The following PPFIA2 variants were observed in gnomAD, a reference collection of about 807,000 sequenced individuals.
The protein encoded by PPFIA2 is PPFI scaffold protein A2.
A neutral mutation model predicts 175.5 loss-of-function variants in PPFIA2; 46 were observed. That is an observed-to-expected ratio of 0.26 (90% CI 0.21 to 0.34). The LOEUF is 0.34. Ranked by LOEUF, PPFIA2 falls within the 10% of genes least tolerant of loss-of-function variation. The pLI, the probability that PPFIA2 is intolerant of heterozygous loss-of-function variation, is 1.00. For missense variants in PPFIA2, 1,179 were observed against 1,506.1 expected, an observed-to-expected ratio of 0.78 and a Z score of 3.60; for synonymous variants, 568 against 511.4, an observed-to-expected ratio of 1.11 and a Z score of -1.49.
At chr12:81,369,431 G>T in intron 11 of PPFIA2, 1 of 1,341,238 alleles carries the variant, frequency 7.5e-7, no homozygotes, top group East Asian at 3.4e-5. Context: ...AATGAAATCA[G>T]CCAAATGTAA....
intron 4 of PPFIA2, among the ~76,000 whole-genome samples, chr12:81,580,424 A>G (rs2074233213): frequency 6.6e-6 from 1 of 151,862 alleles, no homozygotes; most frequent in African/African-American, 2.4e-5. Flanking sequence ...TTGCTATTAA[A>G]AGAAAATTGA....
chr12:81,659,579 A>G (rs768534756), intron 4 of PPFIA2, among the ~76,000 whole-genome samples: 11 of 152,188 alleles, frequency 7.2e-5, no homozygotes, highest in Non-Finnish European at 1.6e-4. Flanking sequence ...GGTGGAGCCC[A>G]CTGCAGCTCA....
chr12:81,556,609 G>A (rs946245780), intron 4 of PPFIA2, among the ~76,000 whole-genome samples: 5 of 151,734 alleles, frequency 3.3e-5, no homozygotes, highest in Non-Finnish European at 7.4e-5. Flanking sequence ...GGGAAAATTT[G>A]TGCAAGTTTT....
At chr12:81,590,312 T>C (rs777533670) in intron 4 of PPFIA2, among the ~76,000 whole-genome samples, 1 of 152,154 alleles carries the variant, frequency 6.6e-6, no homozygotes, top group Non-Finnish European at 1.5e-5. Flanking sequence ...CTCCAAATAA[T>C]AGAAAAATAA....
chr12:81,743,209 G>A (rs952776635), intron 3 of PPFIA2, among the ~76,000 whole-genome samples: 1 of 151,758 alleles, frequency 6.6e-6, no homozygotes, highest in Non-Finnish European at 1.5e-5. Flanking sequence ...ACGAGGTCAG[G>A]AGATGGAGAT....
At chr12:81,438,921 C>T (rs2049604707) in intron 7 of PPFIA2, among the ~76,000 whole-genome samples, 1 of 152,002 alleles carries the variant, frequency 6.6e-6, no homozygotes, top group African/African-American at 2.4e-5. Context: ...CTATTTCTTC[C>T]ATCTAACTGA....
At chr12:81,548,322 C>A (rs2067308814) in intron 4 of PPFIA2, among the ~76,000 whole-genome samples, 1 of 152,032 alleles carries the variant, frequency 6.6e-6, no homozygotes, top group South Asian at 2.1e-4. Flanking sequence ...AATAATTTTT[C>A]TTTTTTCCAA....
intron 4 of PPFIA2, chr12:81,597,812 G>A: frequency 1.2e-6 from 1 of 838,872 alleles, no homozygotes; most frequent in Non-Finnish European, 1.8e-6. Flanking sequence ...AGATTAAACT[G>A]ACATGCACAT....
chr12:81,741,812 T>C (rs1467486777), intron 3 of PPFIA2, among the ~76,000 whole-genome samples: 1 of 151,922 alleles, frequency 6.6e-6, no homozygotes, highest in Non-Finnish European at 1.5e-5. Flanking sequence ...GATAAAGAAA[T>C]AAAATATACA....
intron 5 of PPFIA2, among the ~76,000 whole-genome samples, chr12:81,455,147 C>A (rs892391193): frequency 6.6e-6 from 1 of 152,288 alleles, no homozygotes; most frequent in African/African-American, 2.4e-5. Flanking sequence ...AAAAGCACAA[C>A]ATCTAGAAAG....
At chr12:81,521,883 T>A (rs1034838814) in intron 4 of PPFIA2, among the ~76,000 whole-genome samples, 5 of 152,084 alleles carry the variant, frequency 3.3e-5, no homozygotes, top group Admixed American at 6.6e-5. Flanking sequence ...ATTATGAAAC[T>A]AAATTGCATC....
chr12:81,554,113 A>C (rs530195265), intron 4 of PPFIA2, among the ~76,000 whole-genome samples: 2 of 152,186 alleles, frequency 1.3e-5, no homozygotes, highest in South Asian at 2.1e-4. Flanking sequence ...GAGGAGACTC[A>C]GTTGAAGGGT....
intron 4 of PPFIA2, 126 bp from the exon 5 acceptor site, chr12:81,457,992 G>A: frequency 1.6e-6 from 1 of 621,828 alleles, no homozygotes. Context: ...AACATATGTT[G>A]CTGTTATGAA....
intron 4 of PPFIA2, among the ~76,000 whole-genome samples, chr12:81,654,569 A>G (rs1050371056): frequency 3.3e-5 from 5 of 152,078 alleles, no homozygotes; most frequent in Admixed American, 1.3e-4. Flanking sequence ...AATAAACCCA[A>G]CTATCTCCTG....
At chr12:81,330,303 C>T (rs910396745) in intron 21 of PPFIA2, among the ~76,000 whole-genome samples, 2 of 152,164 alleles carry the variant, frequency 1.3e-5, no homozygotes, top group Admixed American at 6.5e-5. Flanking sequence ...ATTGCCTGTC[C>T]AACCTCTGAC....
At chr12:81,583,964 T>C (rs2074805420) in intron 4 of PPFIA2, among the ~76,000 whole-genome samples, 1 of 151,942 alleles carries the variant, frequency 6.6e-6, no homozygotes, top group Non-Finnish European at 1.5e-5. Flanking sequence ...CTCAAGACTT[T>C]TTAAAGAATA....
intron 28 of PPFIA2, 131 bp downstream of exon 28, chr12:81,277,186 C>A: frequency 1.4e-6 from 1 of 691,302 alleles, no homozygotes. Context: ...GGAAAAAAAA[C>A]AGTAACAATT....
intron 9 of PPFIA2, among the ~76,000 whole-genome samples, chr12:81,380,962 CTGTGTGTGTGTGTGTG>C (rs71098139): frequency 1.7e-4 from 23 of 137,556 alleles, no homozygotes; most frequent in East Asian, 8.7e-4. Context: ...TTTCACAGTG[CTGTGTGTGTGTGTGTG>C]TGTGTGTGTG....
chr12:81,532,809 A>G (rs1027601312), intron 4 of PPFIA2, among the ~76,000 whole-genome samples: 1 of 151,760 alleles, frequency 6.6e-6, no homozygotes, highest in African/African-American at 2.4e-5. Flanking sequence ...TCCTCATGCC[A>G]TAACCTCCTT....
Sources: allele counts gnomAD v4.1 joint callset (sites outside exome capture counted in the v4.1 genomes callset), GRCh38; gene constraint gnomAD v4.1.1; transcripts MANE v1.5; gene names NCBI Gene and HGNC (gene_info 2026-07-23, HGNC 2026-07-21).